Variants in TYW1 observed in about 807,000 individuals in gnomAD.
TYW1 encodes tRNA-yW synthesizing protein 1 homolog.
TYW1 carries 46 observed loss-of-function variants against 96.2 expected under a neutral mutation model. That is an observed-to-expected ratio of 0.48 (90% confidence interval 0.38 to 0.61). The LOEUF is 0.61. TYW1 is among the 20% of genes least tolerant of loss of function. TYW1 has a pLI of 0.00. For synonymous variants in TYW1, 274 were observed against 323.0 expected (o/e 0.85, Z 1.63); for missense variants, 684 against 909.6 (o/e 0.75, Z 3.19).
chr7:67,126,941 A>C (rs1184221023), intron 13 of TYW1, among the ~76,000 whole-genome samples: 1 of 151,656 alleles, frequency 6.6e-6, no homozygotes, highest in Admixed American at 6.6e-5. Flanking sequence ...CTTTGTTTCT[A>C]TTTTTGTATT....
intron 7 of TYW1, among the ~76,000 whole-genome samples, chr7:67,036,751 T>A (rs1040898326): frequency 1.5e-4 from 23 of 152,254 alleles, no homozygotes; most frequent in African/African-American, 5.1e-4. Context: ...GAAGACAGGA[T>A]TCTTCAGCGG....
intron 12 of TYW1, among the ~76,000 whole-genome samples, chr7:67,106,257 T>G (rs945103838): frequency 5.3e-5 from 8 of 152,254 alleles, no homozygotes; most frequent in Non-Finnish European, 1.5e-5. Flanking sequence ...AAGAATTCTT[T>G]TCCCTCTTAA....
intron 13 of TYW1, among the ~76,000 whole-genome samples, chr7:67,157,111 G>A (rs527340399): frequency 4.2e-4 from 64 of 151,984 alleles, no homozygotes; most frequent in African/African-American, 1.4e-3. Flanking sequence ...AGTACCAAGC[G>A]CCTCTAGTCA....
At chr7:67,013,655 G>C (rs981417295) in intron 4 of TYW1, among the ~76,000 whole-genome samples, 1 of 151,320 alleles carries the variant, frequency 6.6e-6, no homozygotes, top group African/African-American at 2.4e-5. Context: ...TTCTCTTAAG[G>C]TTTGAAACTC....
chr7:67,049,978 T>C lies in TYW1; in HGVS notation c.1014T>C (p.Ser338=). The C allele has an allele frequency of 6.2e-7, 1 of 1,614,106 alleles. No homozygotes were observed. The highest frequency in any genetic ancestry group is 8.5e-7 in the Non-Finnish European group (1 of 1,180,014). ...KREKEQQEEK[S]GLFRNMGRNE... is the part of the protein sequence containing the mutation. ...AAAAGGAACAGCAGGAAGAGAAGTCTGGTTTGTTCAGGAACATGGGGAGGA... is the reference window on the plus strand; with the variant it reads ...AAAAGGAACAGCAGGAAGAGAAGTCCGGTTTGTTCAGGAACATGGGGAGGA... Residue 338 remains serine (S), a synonymous_variant, in exon 8 of 16, where the codon TCT becomes TCC. Transcript: ENST00000359626.
intron 4 of TYW1, among the ~76,000 whole-genome samples, chr7:67,013,548 C>CAACTCTT (rs1490329999): frequency 6.6e-6 from 1 of 152,038 alleles, no homozygotes; most frequent in African/African-American, 2.4e-5. Flanking sequence ...ACACCAAATA[C>CAACTCTT]AACTCTTATT....
At chr7:67,004,010 C>T (rs1419249347) in intron 3 of TYW1, among the ~76,000 whole-genome samples, 1 of 150,696 alleles carries the variant, frequency 6.6e-6, no homozygotes, top group Non-Finnish European at 1.5e-5. Context: ...CGCCACTGCA[C>T]TCCAGTCTGG....
At chr7:67,089,771 T>A (rs1455289255) in intron 11 of TYW1, among the ~76,000 whole-genome samples, 2 of 152,216 alleles carry the variant, frequency 1.3e-5, no homozygotes, top group African/African-American at 4.8e-5. Context: ...AAAATATCTT[T>A]CTTTTCCTGA....
intron 12 of TYW1, among the ~76,000 whole-genome samples, chr7:67,112,613 T>TC (rs1220700388): frequency 7.5e-6 from 1 of 133,650 alleles, no homozygotes; most frequent in Non-Finnish European, 1.6e-5. Flanking sequence ...AAGACTCTTG[T>TC]CTTTAAAAAA....
intron 9 of TYW1, among the ~76,000 whole-genome samples, chr7:67,064,785 A>G (rs899595500): frequency 2.0e-5 from 3 of 152,194 alleles, no homozygotes; most frequent in Non-Finnish European, 4.4e-5. Flanking sequence ...AAACCATTTC[A>G]AGTTCCATGG....
chr7:67,117,474 A>G lies in TYW1; in HGVS notation c.1563-9A>G. 6.3e-7 allele frequency: 1 copy of G among 1,586,026 alleles called. No individual in the cohort carries two copies. The highest frequency in any genetic ancestry group is 8.5e-7 in the Non-Finnish European group (1 of 1,172,932). On this transcript the variant is annotated splice_polypyrimidine_tract_variant and intron_variant, in intron 12 of 15. Transcript: ENST00000359626. ...TTTTCTTTCTTCTTTTAAAAAAAAT[A>G]TTACTAAGGAACCTCGAGCCGGTTA...
chr7:67,215,736 A>G (rs1341690701), intron 15 of TYW1, among the ~76,000 whole-genome samples: 1 of 152,072 alleles, frequency 6.6e-6, no homozygotes, highest in Non-Finnish European at 1.5e-5. Context: ...CTGAGGAGCA[A>G]GGAGAGCCAG....
At chr7:67,060,655 A>C (rs1795668211) in intron 9 of TYW1, among the ~76,000 whole-genome samples, 1 of 152,198 alleles carries the variant, frequency 6.6e-6, no homozygotes, top group South Asian at 2.1e-4. Context: ...AGTATTTCTT[A>C]AGTTAGGTTT....
intron 14 of TYW1, among the ~76,000 whole-genome samples, chr7:67,187,872 A>G (rs1332828561): frequency 6.6e-6 from 1 of 152,212 alleles, no homozygotes. Context: ...ATGAGCATGC[A>G]TTGGTTTGTA....
intron 7 of TYW1, among the ~76,000 whole-genome samples, chr7:67,029,109 CTG>C (rs1794556576): frequency 6.6e-6 from 1 of 151,778 alleles, no homozygotes. Flanking sequence ...CGTCATTCTC[CTG>C]CCTCAGCCTC....
At chr7:67,063,269 TTAGAAA>T (rs1165598958) in intron 9 of TYW1, among the ~76,000 whole-genome samples, 4 of 152,204 alleles carry the variant, frequency 2.6e-5, no homozygotes, top group Non-Finnish European at 5.9e-5. Context: ...TCTTAGCAAG[TTAGAAA>T]TAGAGGAATA....
chr7:67,199,255 C>T lies in TYW1; in HGVS notation c.1977+3918C>T, dbSNP rs528728994. ...TTGTTTTATATTTGCCTGATTTTTC[C>T]TTGTGGCTAGATTGAGGTTGTATGT... is the stretch of plus-strand genomic sequence containing the variant. On this transcript the variant is annotated intron_variant, in intron 15 of 15. Coordinates refer to ENST00000359626, the MANE Select transcript of TYW1 (RefSeq NM_018264.4). Among the ~76,000 whole-genome samples the T allele has an allele frequency of 3.3e-5, 5 of 151,900 alleles. No homozygotes were observed. The South Asian group carries it at 1.0e-3, about 32-fold the overall frequency.
chr7:67,026,439 A>G (rs568843007), intron 7 of TYW1, among the ~76,000 whole-genome samples: 1 of 152,330 alleles, frequency 6.6e-6, no homozygotes, highest in South Asian at 2.1e-4. Context: ...ACATTCCTGA[A>G]TGGCATCAAA....
intron 15 of TYW1, among the ~76,000 whole-genome samples, chr7:67,210,557 GGA>G (rs1360544514): frequency 6.6e-6 from 1 of 152,132 alleles, no homozygotes; most frequent in Non-Finnish European, 1.5e-5. Flanking sequence ...TAAGTTATTT[GGA>G]ATTCTTCCAC....
Sources: gnomAD v4.1 joint callset for allele counts (sites outside exome capture counted in the v4.1 genomes callset) on GRCh38, gnomAD v4.1.1 for gene constraint, MANE v1.5 for transcripts, NCBI Gene and HGNC (gene_info 2026-07-23, HGNC 2026-07-21) for gene names.